The following KDM4C variants were observed in gnomAD, a reference collection of about 807,000 sequenced individuals.
KDM4C encodes the protein lysine demethylase 4C, also known as lysine-specific demethylase 4C.
In KDM4C, 81 loss-of-function variants were observed where a neutral mutation model predicts 129.3. The ratio of observed to expected loss-of-function variants is 0.63; its 90% CI spans 0.52 to 0.75. KDM4C has a LOEUF of 0.75. KDM4C is among the 30% of genes least tolerant of loss of function. KDM4C has a pLI of 0.00. For synonymous variants in KDM4C, 573 were observed against 456.1 expected (o/e 1.26, Z -3.26); for missense variants, 1,457 against 1,304.0 (o/e 1.12, Z -1.81).
At chr9:7,031,719 G>T (rs1255765139) in intron 15 of KDM4C, among the ~76,000 whole-genome samples, 2 of 151,976 alleles carry the variant, frequency 1.3e-5, no homozygotes, top group Non-Finnish European at 2.9e-5. Flanking sequence ...ATATTGCTTG[G>T]TTATAAGTAA....
intron 4 of KDM4C, among the ~76,000 whole-genome samples, chr9:6,844,544 A>C (rs1028799144): frequency 6.6e-6 from 1 of 152,206 alleles, no homozygotes; most frequent in Non-Finnish European, 1.5e-5. Flanking sequence ...TCCGTGGTCA[A>C]ATGATTTTTG....
chr9:6,862,843 A>AAACAAAC (rs1588775503), intron 5 of KDM4C, among the ~76,000 whole-genome samples: 3 of 135,652 alleles, frequency 2.2e-5, no homozygotes, highest in South Asian at 2.8e-4. Flanking sequence ...AACAAACAAA[A>AAACAAAC]AACAAAAAAA....
At chr9:6,841,283 G>T (rs1291772260) in intron 4 of KDM4C, among the ~76,000 whole-genome samples, 1 of 152,160 alleles carries the variant, frequency 6.6e-6, no homozygotes, top group Non-Finnish European at 1.5e-5. Flanking sequence ...GGGGCTCATA[G>T]CTTTGTTTGG....
At chr9:6,890,755 C>G (rs1846004767) in intron 7 of KDM4C, among the ~76,000 whole-genome samples, 1 of 152,120 alleles carries the variant, frequency 6.6e-6, no homozygotes, top group South Asian at 2.1e-4. Flanking sequence ...TCCCTCTCCT[C>G]TCACCTTTAT....
chr9:6,821,110 C>A (rs1213465473), intron 4 of KDM4C, among the ~76,000 whole-genome samples: 2 of 152,162 alleles, frequency 1.3e-5, no homozygotes, highest in Non-Finnish European at 2.9e-5. Flanking sequence ...TTTCTTAATC[C>A]AGTCTATCAT....
intron 4 of KDM4C, among the ~76,000 whole-genome samples, chr9:6,846,751 C>A (rs1398142064): frequency 1.3e-5 from 2 of 152,058 alleles, no homozygotes; most frequent in African/African-American, 4.8e-5. Flanking sequence ...TTCTCACATG[C>A]TTGACTTGTT....
chr9:7,029,695 A>G lies in KDM4C; in HGVS notation c.2259+13766A>G, dbSNP rs370184293. Among the ~76,000 whole-genome samples the G allele has an allele frequency of 5.3e-5, 8 of 152,314 alleles. No individual in the cohort carries two copies. The East Asian group carries it at 9.6e-4, about 18-fold the overall frequency. On this transcript the variant is annotated intron_variant, in intron 15 of 21. Coordinates refer to ENST00000381309, the MANE Select transcript of KDM4C (RefSeq NM_015061.6). ...AGATGTTTCTCTCCAGGAAATTTGG[A>G]TGTTTCTTCCAGGACCTTTCGGGGA...
chr9:6,937,104 A>G (rs996139128), intron 8 of KDM4C, among the ~76,000 whole-genome samples: 6 of 152,352 alleles, frequency 3.9e-5, no homozygotes, highest in Non-Finnish European at 5.9e-5. Context: ...GTAGTCAATC[A>G]GAAAGACTAA....
intron 4 of KDM4C, among the ~76,000 whole-genome samples, chr9:6,819,235 C>G (rs1797251269): frequency 6.6e-6 from 1 of 152,120 alleles, no homozygotes; most frequent in African/African-American, 2.4e-5. Context: ...ATAGCATAAG[C>G]ATTGACTGTA....
At chr9:6,849,985 A>G (rs1435744794) in intron 5 of KDM4C, among the ~76,000 whole-genome samples, 1 of 152,216 alleles carries the variant, frequency 6.6e-6, no homozygotes, top group African/African-American at 2.4e-5. Context: ...CAATTGAAAA[A>G]TTCTTTTTCC....
chr9:6,760,445 G>GTA (rs60954996), intron 1 of KDM4C, among the ~76,000 whole-genome samples: 6,049 of 142,456 alleles, frequency 0.042, 156 homozygotes, highest in Middle Eastern at 0.063. Flanking sequence ...CTACTCTTGG[G>GTA]TATATATATA....
At chr9:7,142,281 CT>C (rs1841823512) in intron 19 of KDM4C, among the ~76,000 whole-genome samples, 1 of 152,144 alleles carries the variant, frequency 6.6e-6, no homozygotes. Context: ...TTTAATCCCC[CT>C]GTTTCCTTTT....
chr9:6,827,568 A>T (rs1413216993), intron 4 of KDM4C, among the ~76,000 whole-genome samples: 1 of 152,242 alleles, frequency 6.6e-6, no homozygotes, highest in Non-Finnish European at 1.5e-5. Context: ...CAGCAAATTT[A>T]TTTGAGGCTG....
chr9:7,000,722 T>G (rs1282067023), intron 12 of KDM4C, among the ~76,000 whole-genome samples: 1 of 152,224 alleles, frequency 6.6e-6, no homozygotes, highest in Non-Finnish European at 1.5e-5. Flanking sequence ...ACTTTACATT[T>G]TTTTCAACCT....
chr9:6,783,912 T>C (rs1824906877), intron 1 of KDM4C, among the ~76,000 whole-genome samples: 1 of 152,144 alleles, frequency 6.6e-6, no homozygotes, highest in Non-Finnish European at 1.5e-5. Context: ...TTGGGGTTTG[T>C]CTGTGAGAGG....
At chr9:6,854,525 C>CAAAAA (rs1177446839) in intron 5 of KDM4C, among the ~76,000 whole-genome samples, 459 of 41,132 alleles carry the variant, frequency 0.011, 19 homozygotes, top group East Asian at 0.017. Context: ...AACTCCGTCT[C>CAAAAA]AAAAAAAAAA....
chr9:7,092,111 G>T (rs1287620150), intron 17 of KDM4C, among the ~76,000 whole-genome samples: 1 of 152,152 alleles, frequency 6.6e-6, no homozygotes, highest in Non-Finnish European at 1.5e-5. Flanking sequence ...ACATTCTGCT[G>T]TTTCTTTTTT....
intron 17 of KDM4C, among the ~76,000 whole-genome samples, chr9:7,089,433 A>G (rs925176591): frequency 6.6e-6 from 1 of 152,188 alleles, no homozygotes; most frequent in South Asian, 2.1e-4. Context: ...AGGAAATAAT[A>G]AGTTGGAAAG....
chr9:7,100,857 G>A lies in KDM4C; in HGVS notation c.2425-2828G>A, dbSNP rs1407377237. On this transcript the variant is annotated intron_variant, in intron 17 of 21. Transcript: ENST00000381309. The stretch of plus-strand genomic sequence containing the variant: ...GCTGAGAATTATTCTTACTCCTTTG[G>A]TATCCTTTGCCTAAAGGATATTCTT... 4.0e-5 allele frequency among the ~76,000 whole-genome samples: 6 copies of A among 151,714 alleles called. 1 individual carries two copies. In the East Asian group the frequency reaches 1.2e-3, roughly 29 times the overall value.
Sources: gnomAD v4.1 joint callset for allele counts (sites outside exome capture counted in the v4.1 genomes callset) on GRCh38, gnomAD v4.1.1 for gene constraint, MANE v1.5 for transcripts, NCBI Gene and HGNC (gene_info 2026-07-23, HGNC 2026-07-21) for gene names.